SIL1: variants seen among roughly 807,000 people sequenced by gnomAD.
SIL1 encodes the protein nucleotide exchange factor SIL1.
In SIL1, 40 loss-of-function variants were observed where a neutral mutation model predicts 49.1. That is an observed-to-expected ratio of 0.81 (90% CI 0.63 to 1.06). The LOEUF is 1.06. Ranked by LOEUF, SIL1 falls within the 50% of genes least tolerant of loss-of-function variation. The pLI, the probability that SIL1 is intolerant of heterozygous loss-of-function variation, is 0.00. For missense variants in SIL1, 500 were observed against 572.6 expected, an observed-to-expected ratio of 0.87 and a Z score of 1.29; for synonymous variants, 253 against 250.8, an observed-to-expected ratio of 1.01 and a Z score of -0.08.
At chr5:139,102,754 G>A (rs983968471) in intron 3 of SIL1, among the ~76,000 whole-genome samples, 4 of 135,570 alleles carry the variant, frequency 3.0e-5, no homozygotes, top group Non-Finnish European at 6.3e-5. Context: ...TGCTCTTGTT[G>A]CCCAGGCTGG....
At chr5:139,133,862 A>G (rs373425819) in intron 1 of SIL1, among the ~76,000 whole-genome samples, 2 of 152,378 alleles carry the variant, frequency 1.3e-5, no homozygotes. Context: ...GCAAAGAGAC[A>G]AAAGAAACAA....
At chr5:139,035,607 G>A in intron 5 of SIL1, 4 of 341,952 alleles carry the variant, frequency 1.2e-5, no homozygotes, top group South Asian at 2.5e-5. Context: ...CAGACATGGC[G>A]CCCATTTCAC....
chr5:139,044,498 G>A lies in SIL1; in HGVS notation c.354-1779C>T, dbSNP rs1019468038. On this transcript the variant is annotated intron_variant, in intron 4 of 9. Coordinates refer to ENST00000394817, the MANE Select transcript of SIL1 (RefSeq NM_022464.5). ...CATGCACATGTGCACTCAAGTTCACGCACACACACGAAACAGTCATCTGGT... is the reference window on the plus strand; with the variant it reads ...CATGCACATGTGCACTCAAGTTCACACACACACACGAAACAGTCATCTGGT... Among the ~76,000 whole-genome samples the A allele has an allele frequency of 3.9e-5, 6 of 152,054 alleles. No homozygotes were observed. The South Asian group carries it at 1.2e-3, about 32-fold the overall frequency.
At chr5:139,041,943 TACAGAGAAATG>T (rs1307908111) in intron 5 of SIL1, among the ~76,000 whole-genome samples, 36 of 151,160 alleles carry the variant, frequency 2.4e-4, no homozygotes, top group African/African-American at 8.8e-4. Context: ...CAAACAGAAA[TACAGAGAAATG>T]ACTCCAAGAG....
At chr5:138,981,153 C>T (rs1032370786) in intron 7 of SIL1, among the ~76,000 whole-genome samples, 3 of 147,912 alleles carry the variant, frequency 2.0e-5, no homozygotes, top group Non-Finnish European at 4.4e-5. Context: ...GCGGAGGTTG[C>T]AGCAAGCCAA....
intron 4 of SIL1, among the ~76,000 whole-genome samples, chr5:139,049,940 G>A (rs1009023047): frequency 6.6e-6 from 1 of 152,114 alleles, no homozygotes; most frequent in Non-Finnish European, 1.5e-5. Flanking sequence ...TACTATTTTA[G>A]GCTCTGTGAT....
In SIL1 at chr5:139,026,907, G is replaced by A. The variant is rs767252723; in HGVS notation, c.539C>T (p.Thr180Ile). 37 of 1,614,176 alleles carry A rather than the reference G, an allele frequency of 2.3e-5. No individual in the cohort carries two copies. Among genetic ancestry groups the A allele is most frequent in the Middle Eastern group, 1.6e-4 (1 of 6,062 alleles). ...DFDELNVVIE[T>I]DMQIMVRLIN... ...CAGCCGTACCATGATCTGCATGTCAGTCTCAATGACAACATTCAGCTCATC... is the reference window on the plus strand; with the variant it reads ...CAGCCGTACCATGATCTGCATGTCAATCTCAATGACAACATTCAGCTCATC... Residue 180 changes from threonine (T) to isoleucine (I), a missense_variant, in exon 6 of 10, where the codon ACT becomes ATT. Physicochemically the swap from Thr to Ile is moderately conservative, Grantham distance 89. Transcript: ENST00000394817.
At chr5:139,057,191 A>G (rs995169075) in intron 3 of SIL1, among the ~76,000 whole-genome samples, 1 of 151,430 alleles carries the variant, frequency 6.6e-6, no homozygotes, top group African/African-American at 2.4e-5. Context: ...GGAAGGCCGC[A>G]GAGTCCTCTG....
At chr5:139,100,360 A>C (rs1336316807) in intron 3 of SIL1, among the ~76,000 whole-genome samples, 1 of 152,214 alleles carries the variant, frequency 6.6e-6, no homozygotes, top group African/African-American at 2.4e-5. Flanking sequence ...GAACAAGAGC[A>C]AGACCAGAGT....
At chr5:139,096,838 C>T (rs1013991680) in intron 3 of SIL1, among the ~76,000 whole-genome samples, 4 of 152,058 alleles carry the variant, frequency 2.6e-5, no homozygotes, top group Admixed American at 2.0e-4. Flanking sequence ...CTTGGGTAAG[C>T]CTCTGAGACA....
intron 7 of SIL1, among the ~76,000 whole-genome samples, chr5:139,008,733 C>G (rs959287562): frequency 4.6e-5 from 7 of 151,294 alleles, no homozygotes; most frequent in African/African-American, 1.7e-4. Flanking sequence ...AGTAGTCATT[C>G]AGGAGCAGGT....
At chr5:139,057,636 C>A (rs186743602) in intron 3 of SIL1, among the ~76,000 whole-genome samples, 1 of 152,098 alleles carries the variant, frequency 6.6e-6, no homozygotes, top group Non-Finnish European at 1.5e-5. Flanking sequence ...AGAAACACCC[C>A]CTATAGGAAA....
At chr5:139,169,765 G>A (rs956614800) in intron 1 of SIL1, among the ~76,000 whole-genome samples, 1 of 151,414 alleles carries the variant, frequency 6.6e-6, no homozygotes, top group African/African-American at 2.4e-5. Flanking sequence ...ACAGGCGTGA[G>A]CCACCACGCC....
chr5:139,104,301 C>A (rs908252864), intron 3 of SIL1, among the ~76,000 whole-genome samples: 2 of 152,184 alleles, frequency 1.3e-5, no homozygotes, highest in Non-Finnish European at 2.9e-5. Context: ...GTGTCCCTGG[C>A]TAGCCAGGCT....
At chr5:139,177,491 GC>G (rs1751908942) in intron 1 of SIL1, among the ~76,000 whole-genome samples, 1 of 151,920 alleles carries the variant, frequency 6.6e-6, no homozygotes, top group Admixed American at 6.6e-5. Flanking sequence ...ACCTGCCTTG[GC>G]CTCCCAAAAT....
At chr5:139,055,259 C>T (rs774654497) in intron 3 of SIL1, among the ~76,000 whole-genome samples, 1 of 152,140 alleles carries the variant, frequency 6.6e-6, no homozygotes, top group Non-Finnish European at 1.5e-5. Context: ...CCACCTCATG[C>T]TTGAATTTTG....
intron 3 of SIL1, among the ~76,000 whole-genome samples, chr5:139,056,114 G>A (rs1347091853): frequency 1.3e-5 from 2 of 151,068 alleles, no homozygotes; most frequent in African/African-American, 2.4e-5. Flanking sequence ...AGTGAGGAGC[G>A]TCTCTGCTTG....
intron 1 of SIL1, among the ~76,000 whole-genome samples, chr5:139,179,959 G>A (rs1444211160): frequency 1.3e-5 from 2 of 151,864 alleles, no homozygotes; most frequent in Admixed American, 1.3e-4. Flanking sequence ...GGGAGGCTGA[G>A]GTGGGAGGAT....
intron 3 of SIL1, among the ~76,000 whole-genome samples, chr5:139,119,438 A>G (rs1010662923): frequency 6.6e-6 from 1 of 152,222 alleles, no homozygotes; most frequent in Non-Finnish European, 1.5e-5. Context: ...ACTGACTTCC[A>G]TCTGCTCCAG....
Sources: allele counts gnomAD v4.1 joint callset (sites outside exome capture counted in the v4.1 genomes callset), GRCh38; gene constraint gnomAD v4.1.1; transcripts MANE v1.5; gene names NCBI Gene and HGNC (gene_info 2026-07-23, HGNC 2026-07-21).